The following FAM171A1 variants were observed in gnomAD, a reference collection of about 807,000 sequenced individuals.
FAM171A1 encodes family with sequence similarity 171 member A1.
In FAM171A1, 23 loss-of-function variants were observed where a neutral mutation model predicts 74.9. That is an observed-to-expected ratio of 0.31 (90% confidence interval 0.22 to 0.44). The LOEUF (loss-of-function observed/expected upper bound fraction) is 0.44. Ranked by LOEUF, FAM171A1 falls within the 20% of genes least tolerant of loss-of-function variation. The pLI is 1.00. For synonymous variants in FAM171A1, 527 were observed against 505.7 expected (o/e 1.04, Z -0.57); for missense variants, 1,162 against 1,159.2 (o/e 1.00, Z -0.03).
At chr10:15,332,678 T>C (rs1835654691) in intron 1 of FAM171A1, among the ~76,000 whole-genome samples, 1 of 152,178 alleles carries the variant, frequency 6.6e-6, no homozygotes, top group South Asian at 2.1e-4. Context: ...AGAGACTCAT[T>C]GCACTGACTA....
At chr10:15,277,810 G>A (rs1834913303) in intron 2 of FAM171A1, among the ~76,000 whole-genome samples, 1 of 151,926 alleles carries the variant, frequency 6.6e-6, no homozygotes, top group African/African-American at 2.4e-5. Context: ...AGGCTGGAGT[G>A]CAGTGGTGCA....
chr10:15,222,617 C>T (rs773460594), intron 5 of FAM171A1, among the ~76,000 whole-genome samples: 4 of 152,228 alleles, frequency 2.6e-5, no homozygotes, highest in African/African-American at 4.8e-5. Flanking sequence ...CTTAGCTACA[C>T]GCCTCATGCA....
chr10:15,349,803 C>T (rs1286686736), intron 1 of FAM171A1, among the ~76,000 whole-genome samples: 2 of 152,032 alleles, frequency 1.3e-5, no homozygotes, highest in African/African-American at 4.8e-5. Flanking sequence ...GATGTGGACA[C>T]TCTTTAGTTA....
chr10:15,237,410 T>TC (rs1834305849), intron 5 of FAM171A1: 1 of 152,130 alleles, frequency 6.6e-6, no homozygotes, highest in African/African-American at 2.4e-5. Flanking sequence ...GCTTAATGAT[T>TC]CCTAGGAATG....
At chr10:15,301,362 A>ATATATATATT (rs575709720) in intron 1 of FAM171A1, among the ~76,000 whole-genome samples, 3 of 141,562 alleles carry the variant, frequency 2.1e-5, no homozygotes, top group Admixed American at 7.2e-5. Context: ...ATATATATAT[A>ATATATATATT]TTTTTTTTTT....
intron 5 of FAM171A1, among the ~76,000 whole-genome samples, chr10:15,222,079 G>T (rs1053554559): frequency 6.6e-6 from 1 of 152,128 alleles, no homozygotes; most frequent in Non-Finnish European, 1.5e-5. Flanking sequence ...GCCAGGGAGA[G>T]GCTGGGCGAA....
At chr10:15,268,821 C>T (rs578068969) in intron 3 of FAM171A1, among the ~76,000 whole-genome samples, 6 of 152,168 alleles carry the variant, frequency 3.9e-5, no homozygotes, top group Non-Finnish European at 8.8e-5. Context: ...GTGGATGCAT[C>T]ACCTGAGGTC....
chr10:15,295,858 C>T (rs902541248), intron 1 of FAM171A1, among the ~76,000 whole-genome samples: 43 of 152,338 alleles, frequency 2.8e-4, no homozygotes, highest in Middle Eastern at 3.4e-3. Flanking sequence ...TGATTAGCTA[C>T]ATTTAACCCC....
At chr10:15,273,299 G>A (rs1409076286) in intron 3 of FAM171A1, among the ~76,000 whole-genome samples, 3 of 152,126 alleles carry the variant, frequency 2.0e-5, no homozygotes, top group African/African-American at 4.8e-5. Context: ...TAGAAGAAAC[G>A]GATAAATTCC....
chr10:15,350,103 G>A (rs1256766060), intron 1 of FAM171A1, among the ~76,000 whole-genome samples: 6 of 152,098 alleles, frequency 3.9e-5, no homozygotes, highest in African/African-American at 9.7e-5. Context: ...TGATGCCCCC[G>A]TGGTATGAGA....
chr10:15,296,091 C>T (rs1405523448), intron 1 of FAM171A1, among the ~76,000 whole-genome samples: 5 of 152,058 alleles, frequency 3.3e-5, no homozygotes, highest in Non-Finnish European at 5.9e-5. Flanking sequence ...ATGCCTAATG[C>T]GTGAAGGGGT....
intron 1 of FAM171A1, among the ~76,000 whole-genome samples, chr10:15,353,737 G>C (rs998307335): frequency 2.0e-5 from 3 of 152,092 alleles, no homozygotes; most frequent in Non-Finnish European, 4.4e-5. Context: ...AGAGTACCAG[G>C]TGCCACTGTT....
At chr10:15,290,222 A>G (rs1469040638) in intron 1 of FAM171A1, among the ~76,000 whole-genome samples, 5 of 151,082 alleles carry the variant, frequency 3.3e-5, no homozygotes. Flanking sequence ...AGTGAAAAAA[A>G]AAAAGCCACC....
chr10:15,356,606 G>A (rs376949704), intron 1 of FAM171A1, among the ~76,000 whole-genome samples: 3 of 152,164 alleles, frequency 2.0e-5, no homozygotes, highest in Non-Finnish European at 2.9e-5. Flanking sequence ...ACAGAAGAAC[G>A]TTATGCAGCA....
chr10:15,265,841 G>T (rs1482895612), intron 3 of FAM171A1, among the ~76,000 whole-genome samples: 2 of 152,102 alleles, frequency 1.3e-5, no homozygotes, highest in African/African-American at 4.8e-5. Context: ...GGAAAGGGGG[G>T]TATCATGGAA....
intron 1 of FAM171A1, among the ~76,000 whole-genome samples, chr10:15,329,288 C>A (rs987349805): frequency 2.6e-5 from 4 of 152,226 alleles, no homozygotes; most frequent in African/African-American, 9.6e-5. Context: ...AGGGAAACCA[C>A]TGTTGGCCTA....
At chr10:15,273,533 C>G (rs981719358) in intron 3 of FAM171A1, among the ~76,000 whole-genome samples, 1 of 152,210 alleles carries the variant, frequency 6.6e-6, no homozygotes, top group Non-Finnish European at 1.5e-5. Flanking sequence ...TCTTCCCTAA[C>G]TCATTTTATG....
chr10:15,342,927 G>T (rs1445634752), intron 1 of FAM171A1, among the ~76,000 whole-genome samples: 12 of 152,202 alleles, frequency 7.9e-5, no homozygotes, highest in Admixed American at 3.3e-4. Flanking sequence ...GGTGAAACCT[G>T]CCCTGTGTTT....
intron 5 of FAM171A1, among the ~76,000 whole-genome samples, chr10:15,222,911 G>A (rs538494252): frequency 7.9e-5 from 12 of 152,260 alleles, no homozygotes; most frequent in Non-Finnish European, 1.3e-4. Context: ...CAGACTGTAA[G>A]CAAGGTTTTG....
Sources: gnomAD v4.1 joint callset for allele counts (sites outside exome capture counted in the v4.1 genomes callset) on GRCh38, gnomAD v4.1.1 for gene constraint, MANE v1.5 for transcripts, NCBI Gene and HGNC (gene_info 2026-07-23, HGNC 2026-07-21) for gene names.